The following IKZF3 variants were observed in gnomAD, a reference collection of about 807,000 sequenced individuals.
The protein encoded by IKZF3 is IKAROS family zinc finger 3.
In IKZF3, 10 loss-of-function variants were observed where a neutral mutation model predicts 49.0. The ratio of observed to expected loss-of-function variants is 0.20; its 90% CI spans 0.13 to 0.35. IKZF3 has a LOEUF of 0.35. Ranked by LOEUF, IKZF3 falls within the 10% of genes least tolerant of loss-of-function variation. The pLI is 1.00. For synonymous variants in IKZF3, 209 were observed against 228.2 expected (o/e 0.92, Z 0.76); for missense variants, 498 against 664.8 (o/e 0.75, Z 2.76).
chr17:39,850,619 GTA>G (rs1491104834), intron 1 of IKZF3, among the ~76,000 whole-genome samples: 209 of 3,146 alleles, frequency 0.066, 5 homozygotes, highest in East Asian at 0.45. Flanking sequence ...TATTATATAT[GTA>G]TATATAATAT....
intron 1 of IKZF3, among the ~76,000 whole-genome samples, chr17:39,843,949 A>G (rs2062555742): frequency 6.6e-6 from 1 of 152,240 alleles, no homozygotes; most frequent in Non-Finnish European, 1.5e-5. Context: ...TTATAAGAAC[A>G]TGAAGCCCAT....
At chr17:39,862,040 T>C (rs2063227558) in intron 1 of IKZF3, among the ~76,000 whole-genome samples, 1 of 152,310 alleles carries the variant, frequency 6.6e-6, no homozygotes, top group Admixed American at 6.5e-5. Flanking sequence ...AGAAGAGATG[T>C]TATAGTACAA....
intron 1 of IKZF3, among the ~76,000 whole-genome samples, chr17:39,858,856 A>G (rs2063140442): frequency 1.3e-5 from 2 of 151,964 alleles, no homozygotes; most frequent in South Asian, 2.1e-4. Context: ...GCTGGAGTGC[A>G]GTGGCGTCAT....
intron 3 of IKZF3, among the ~76,000 whole-genome samples, chr17:39,823,966 G>A (rs532057637): frequency 6.6e-6 from 1 of 152,338 alleles, no homozygotes; most frequent in Non-Finnish European, 1.5e-5. Context: ...TAGTGGAGCT[G>A]TTAGAAGAGG....
intron 5 of IKZF3, among the ~76,000 whole-genome samples, chr17:39,790,736 C>T (rs551561498): frequency 1.3e-5 from 2 of 151,966 alleles, no homozygotes; most frequent in African/African-American, 4.8e-5. Context: ...AAATCTTTAC[C>T]GTTGTTCAAT....
At chr17:39,858,657 C>G (rs936542859) in intron 1 of IKZF3, among the ~76,000 whole-genome samples, 1 of 151,732 alleles carries the variant, frequency 6.6e-6, no homozygotes, top group African/African-American at 2.4e-5. Context: ...ACTACAGGCG[C>G]CTGTAACCAT....
Position 39,764,333 on chromosome 17 carries a change from T to C in IKZF3, c.*1457A>G, listed in dbSNP as rs1567949722. 6.6e-6 allele frequency: 1 copy of C among 152,116 alleles called. No individual in the cohort carries two copies. Among genetic ancestry groups the C allele is most frequent in the East Asian group, 1.9e-4 (1 of 5,148 alleles). The allele number at this position is 152,116 out of a possible 1,614,324, so 9.4% of individuals were successfully genotyped here. A position where few individuals can be genotyped will look rare whatever the true frequency, so the allele number is the denominator to read the frequency against. The stretch of plus-strand genomic sequence containing the variant: ...AACAAAATGTAGCCAGACATGGTGG[T>C]GTGCACTTGTTGTCCCAGTACTCAA... On this transcript the variant is annotated 3_prime_UTR_variant, in exon 8 of 8. Coordinates refer to ENST00000346872, the MANE Select transcript of IKZF3 (RefSeq NM_012481.5).
chr17:39,796,343 C>T (rs1440222355), intron 3 of IKZF3, among the ~76,000 whole-genome samples: 1 of 152,134 alleles, frequency 6.6e-6, no homozygotes, highest in Non-Finnish European at 1.5e-5. Context: ...CAAATGGCAT[C>T]ACCCTTCTTC....
chr17:39,809,117 A>G (rs2061496155), intron 3 of IKZF3, among the ~76,000 whole-genome samples: 2 of 152,238 alleles, frequency 1.3e-5, no homozygotes, highest in Admixed American at 6.5e-5. Flanking sequence ...ATATAGTGAA[A>G]TATCTATCGT....
In IKZF3 at chr17:39,760,973, A is replaced by C. The variant is rs1352035361; in HGVS notation, c.*4817T>G. The C allele has an allele frequency of 2.6e-5, 4 of 152,318 alleles. No homozygotes were observed. The East Asian group carries it at 7.7e-4, about 29-fold the overall frequency. The allele number at this position is 152,318 out of a possible 1,614,324, so 9.4% of individuals were successfully genotyped here. ...TGAGACTAGCCTGGGCAGTATGGCGAAACGCCATCTCTGCAGAAAAATACA... is the reference window on the plus strand; with the variant it reads ...TGAGACTAGCCTGGGCAGTATGGCGCAACGCCATCTCTGCAGAAAAATACA... On this transcript the variant is annotated 3_prime_UTR_variant, in exon 8 of 8. Coordinates refer to ENST00000346872, the MANE Select transcript of IKZF3 (RefSeq NM_012481.5).
rs957574112 is a variant in IKZF3, at chr17:39,765,313, T to C, written c.*477A>G. The C allele has an allele frequency of 6.5e-6, 1 of 153,804 alleles. No homozygotes were observed. The highest frequency in any genetic ancestry group is 2.4e-5 in the African/African-American group (1 of 41,458). The allele number at this position is 153,804 out of a possible 1,614,324, so 9.5% of individuals were successfully genotyped here. Reference sequence around the variant, plus strand: ...TCTTTTACTTACTCTTAGACTGTCATTTAGATTAGGGAGATTAGATCTTAA... The same window carrying C: ...TCTTTTACTTACTCTTAGACTGTCACTTAGATTAGGGAGATTAGATCTTAA... On this transcript the variant is annotated 3_prime_UTR_variant, in exon 8 of 8. Transcript: ENST00000346872.
chr17:39,814,331 T>G (rs2061630654), intron 3 of IKZF3, among the ~76,000 whole-genome samples: 1 of 151,856 alleles, frequency 6.6e-6, no homozygotes, highest in Non-Finnish European at 1.5e-5. Context: ...TTGTACAGAA[T>G]GGAAGTAATT....
rs185009048 is a variant in IKZF3, at chr17:39,821,200, G to A, written c.163+8187C>T. Among the ~76,000 whole-genome samples, 482 of 152,194 alleles carry A rather than the reference G, an allele frequency of 3.2e-3. 1 individual carries two copies. The highest frequency in any genetic ancestry group is 4.0e-3 in the Non-Finnish European group (274 of 68,018). The stretch of plus-strand genomic sequence containing the variant: ...TGTCTGAAGTAGGGGCGGTCTGTGG[G>A]ACTGAGCCCTTAACCTGTGTGGTCT... On this transcript the variant is annotated intron_variant, in intron 3 of 7. Coordinates refer to ENST00000346872, the MANE Select transcript of IKZF3 (RefSeq NM_012481.5).
At chr17:39,851,184 C>G (rs986112569) in intron 1 of IKZF3, among the ~76,000 whole-genome samples, 1 of 151,304 alleles carries the variant, frequency 6.6e-6, no homozygotes, top group African/African-American at 2.4e-5. Context: ...CATGACTAGG[C>G]CTGGCTGATT....
chr17:39,824,464 T>C (rs532775001), intron 3 of IKZF3, among the ~76,000 whole-genome samples: 1 of 152,146 alleles, frequency 6.6e-6, no homozygotes, highest in African/African-American at 2.4e-5. Flanking sequence ...TAGGGAGGCA[T>C]GATTGTGTTT....
intron 3 of IKZF3, among the ~76,000 whole-genome samples, chr17:39,812,579 G>A (rs1389104722): frequency 1.3e-5 from 2 of 152,116 alleles, no homozygotes; most frequent in Non-Finnish European, 2.9e-5. Flanking sequence ...CACACCACTG[G>A]GACTCCTCAT....
chr17:39,789,855 C>T (rs2060970280), intron 5 of IKZF3, among the ~76,000 whole-genome samples: 1 of 145,948 alleles, frequency 6.9e-6, no homozygotes, highest in African/African-American at 2.6e-5. Flanking sequence ...GAGCCAAGAT[C>T]ACGCCACTGC....
chr17:39,824,523 T>C (rs1043991198), intron 3 of IKZF3, among the ~76,000 whole-genome samples: 5 of 152,062 alleles, frequency 3.3e-5, no homozygotes, highest in African/African-American at 9.7e-5. Context: ...CAGAATGATA[T>C]GGTTTAGCTG....
chr17:39,823,678 T>A lies in IKZF3; in HGVS notation c.163+5709A>T, dbSNP rs528981606. ...GTGTCCCAGCTGCTCCAGCTGCATC[T>A]AAAAGGGGCAAAGGTACAGCTCAGG... On this transcript the variant is annotated intron_variant, in intron 3 of 7. Coordinates refer to ENST00000346872, the MANE Select transcript of IKZF3 (RefSeq NM_012481.5). 5.0e-4 allele frequency among the ~76,000 whole-genome samples: 76 copies of A among 152,260 alleles called. 2 individuals are homozygous for A. The South Asian group carries it at 0.014, about 29-fold the overall frequency.
Sources: allele counts gnomAD v4.1 joint callset (sites outside exome capture counted in the v4.1 genomes callset), GRCh38; gene constraint gnomAD v4.1.1; transcripts MANE v1.5; gene names NCBI Gene and HGNC (gene_info 2026-07-23, HGNC 2026-07-21).